The following MYO1E variants were observed in gnomAD, a reference collection of about 807,000 sequenced individuals.
MYO1E encodes myosin IE.
MYO1E carries 68 observed loss-of-function variants against 151.1 expected under a neutral mutation model. The ratio of observed to expected loss-of-function variants is 0.45; its 90% CI spans 0.37 to 0.55. The LOEUF (loss-of-function observed/expected upper bound fraction) is 0.55. Among genes scored for constraint, MYO1E ranks in the 20% least tolerant of loss-of-function variants. The pLI is 0.00. For missense variants in MYO1E, 1,363 were observed against 1,389.3 expected (o/e 0.98, Z 0.30); for synonymous variants, 601 against 501.7 (o/e 1.20, Z -2.64).
chr15:59,168,638 C>T (rs984849917), intron 22 of MYO1E, among the ~76,000 whole-genome samples: 25 of 152,156 alleles, frequency 1.6e-4, no homozygotes, highest in African/African-American at 5.8e-4. Context: ...CCTCACTCTC[C>T]CTGCTTCCAC....
chr15:59,283,130 G>C (rs1222114107), intron 1 of MYO1E, among the ~76,000 whole-genome samples: 1 of 151,018 alleles, frequency 6.6e-6, no homozygotes, highest in Non-Finnish European at 1.5e-5. Context: ...CACAAGCCTG[G>C]TCTGGAACCC....
In MYO1E at chr15:59,265,188, CTTCCATGGAGGAGGGT is replaced by C. The variant is rs1435094954; in HGVS notation, c.148-3695_148-3680del. ...GAAAAACAAACAGGCAAATAAGCTC[CTTCCATGGAGGAGGGT>C]ACTTGTTCCCTTAGTTGTAAAGGGA... On this transcript the variant is annotated intron_variant, in intron 2 of 27. Transcript: ENST00000288235. 6.6e-5 allele frequency among the ~76,000 whole-genome samples: 10 copies of C among 152,246 alleles called. No individual in the cohort carries two copies. In the South Asian group the frequency reaches 1.9e-3, roughly 28 times the overall value.
chr15:59,332,836 T>C (rs1437723952), intron 1 of MYO1E, among the ~76,000 whole-genome samples: 2 of 151,992 alleles, frequency 1.3e-5, no homozygotes, highest in Non-Finnish European at 2.9e-5. Context: ...GTGTTGGGAT[T>C]ACAGGCATGA....
At chr15:59,232,870 C>T (rs1213811968) in intron 5 of MYO1E, among the ~76,000 whole-genome samples, 2 of 152,112 alleles carry the variant, frequency 1.3e-5, no homozygotes, top group Admixed American at 6.5e-5. Flanking sequence ...CAGGCACCCT[C>T]CTGAACATTC....
chr15:59,250,892 C>G (rs765626678), intron 4 of MYO1E, among the ~76,000 whole-genome samples: 4 of 152,156 alleles, frequency 2.6e-5, no homozygotes, highest in Non-Finnish European at 5.9e-5. Context: ...GGCATCATCC[C>G]GCTTCAGTGC....
At chr15:59,340,378 C>CT (rs35360737) in intron 1 of MYO1E, among the ~76,000 whole-genome samples, 63 of 147,746 alleles carry the variant, frequency 4.3e-4, no homozygotes, top group East Asian at 2.8e-3. Flanking sequence ...TCACATTAAC[C>CT]TTTTTTTTTT....
At chr15:59,300,334 G>A (rs774773898) in intron 1 of MYO1E, among the ~76,000 whole-genome samples, 3 of 151,882 alleles carry the variant, frequency 2.0e-5, no homozygotes, top group South Asian at 2.1e-4. Context: ...ACACACGCAC[G>A]GTCATTTCTG....
rs141323670 is a variant in MYO1E, at chr15:59,314,609, T to C, written c.4-42160A>G. Among the ~76,000 whole-genome samples the C allele has an allele frequency of 5.9e-3, 890 of 152,034 alleles. 9 individuals carry two copies. Among genetic ancestry groups the C allele is most frequent in the African/African-American group, 0.02 (840 of 41,464 alleles). On this transcript the variant is annotated intron_variant, in intron 1 of 27. Transcript: ENST00000288235. ...AGTGGTCAGTGGCTTAGGCTCATTA[T>C]ACAACCCAGTGATTTTCACTCCGGG...
intron 1 of MYO1E, among the ~76,000 whole-genome samples, chr15:59,338,958 C>G (rs984575666): frequency 8.5e-5 from 13 of 152,148 alleles, no homozygotes; most frequent in African/African-American, 3.1e-4. Flanking sequence ...ATGGCGAGAC[C>G]TCATCTCTAT....
At chr15:59,362,155 A>C (rs186742031) in intron 1 of MYO1E, among the ~76,000 whole-genome samples, 2 of 152,330 alleles carry the variant, frequency 1.3e-5, no homozygotes, top group Admixed American at 6.5e-5. Context: ...TTAAAATAAT[A>C]TCCACACAAA....
chr15:59,336,039 CAA>C (rs546914345), intron 1 of MYO1E, among the ~76,000 whole-genome samples: 29 of 113,954 alleles, frequency 2.5e-4, no homozygotes, highest in South Asian at 2.8e-4. Flanking sequence ...AACACAAAAG[CAA>C]AAAAAAAAAA....
Position 59,133,449 on chromosome 15 carries a change from A to AC in MYO1E, c.*3930dup, listed in dbSNP as rs1811761911. The stretch of plus-strand genomic sequence containing the variant: ...GGGAAGAACTGTGTGACCTTGGGCG[A>AC]CCTAGTGAACCATACTGAGCCAGTC... On this transcript the variant is annotated 3_prime_UTR_variant, in exon 28 of 28. Transcript: ENST00000288235. 1 of 152,020 alleles carries AC rather than the reference A, an allele frequency of 6.6e-6. No individual in the cohort carries two copies. Among genetic ancestry groups the AC allele is most frequent in the Non-Finnish European group, 1.5e-5 (1 of 68,028 alleles). 9.4% of individuals were successfully genotyped at this position (152,020 alleles called of 1,614,324 possible).
intron 25 of MYO1E, among the ~76,000 whole-genome samples, chr15:59,155,171 T>C: frequency 6.6e-6 from 1 of 151,976 alleles, no homozygotes; most frequent in East Asian, 1.9e-4. Flanking sequence ...AAAAGTGGGG[T>C]CCCCACAGGG....
At chr15:59,241,446 C>G (rs1470199560) in intron 4 of MYO1E, among the ~76,000 whole-genome samples, 2 of 152,186 alleles carry the variant, frequency 1.3e-5, no homozygotes, top group Non-Finnish European at 2.9e-5. Context: ...AATCCCAGCA[C>G]TTTGGGAGGC....
intron 1 of MYO1E, among the ~76,000 whole-genome samples, chr15:59,289,513 G>C (rs1240711965): frequency 6.6e-6 from 1 of 152,074 alleles, no homozygotes; most frequent in African/African-American, 2.4e-5. Flanking sequence ...AAAGTGCATA[G>C]ACCCCACTTT....
At chr15:59,307,614 G>T (rs1039526809) in intron 1 of MYO1E, among the ~76,000 whole-genome samples, 9 of 112,576 alleles carry the variant, frequency 8.0e-5, no homozygotes, top group East Asian at 4.3e-4. Context: ...TTTGTTTTTG[G>T]TTTTGGTTTT....
intron 2 of MYO1E, among the ~76,000 whole-genome samples, chr15:59,268,076 C>T (rs182317274): frequency 5.6e-4 from 85 of 152,314 alleles, no homozygotes; most frequent in Non-Finnish European, 8.1e-4. Flanking sequence ...AATGTGAAAT[C>T]AAGTCTCTTC....
intron 10 of MYO1E, among the ~76,000 whole-genome samples, chr15:59,216,666 G>GTATATA (rs368761394): frequency 0.054 from 1,651 of 30,612 alleles, 122 homozygotes; most frequent in African/African-American, 0.091. Context: ...GTGTGTATGT[G>GTATATA]TATATATATA....
intron 1 of MYO1E, among the ~76,000 whole-genome samples, chr15:59,363,062 G>A (rs1337367946): frequency 6.9e-6 from 1 of 144,120 alleles, no homozygotes; most frequent in African/African-American, 2.6e-5. Context: ...TGCAAGCTCC[G>A]CCTCCCAGGC....
Sources: gnomAD v4.1 joint callset for allele counts (sites outside exome capture counted in the v4.1 genomes callset) on GRCh38, gnomAD v4.1.1 for gene constraint, MANE v1.5 for transcripts, NCBI Gene and HGNC (gene_info 2026-07-23, HGNC 2026-07-21) for gene names.